Variants in MTRF1 observed in about 807,000 individuals in gnomAD.
MTRF1 encodes the protein mitochondrial translation release factor 1.
Under a neutral mutation model 62.9 loss-of-function variants are expected in MTRF1, and 51 were observed. That is an observed-to-expected ratio of 0.81 (90% CI 0.65 to 1.02). The LOEUF (loss-of-function observed/expected upper bound fraction) is 1.02, where lower values mean the gene tolerates loss of function less well. Among genes scored for constraint, MTRF1 ranks in the 50% least tolerant of loss-of-function variants. The pLI, the probability that MTRF1 is intolerant of heterozygous loss-of-function variation, is 0.00. For synonymous variants in MTRF1, 158 were observed against 181.9 expected, an observed-to-expected ratio of 0.87 and a Z score of 1.06; for missense variants, 446 against 530.0, an observed-to-expected ratio of 0.84 and a Z score of 1.56.
chr13:41,300,623 T>G, the MTRF1 span, among the ~76,000 whole-genome samples: 1 of 151,412 alleles, frequency 6.6e-6, no homozygotes, highest in Non-Finnish European at 1.5e-5. Context: ...AGGGTCTTGC[T>G]GGGCCTGAAC....
chr13:41,257,304 A>C (rs2039859237), intron 2 of MTRF1, among the ~76,000 whole-genome samples: 1 of 152,226 alleles, frequency 6.6e-6, no homozygotes, highest in South Asian at 2.1e-4. Flanking sequence ...TTGTACTTGA[A>C]CTAGAACGCC....
rs1201552680 is a variant in MTRF1 at position 41,226,287 on chromosome 13, T to C, written c.1125+145A>G. On this transcript the variant is annotated intron_variant, in intron 8 of 9. Transcript: ENST00000379480. ...TAGCCATAACCCATCAGTTCATTTG[T>C]ACTGAGTTACTGCTTATTTACAAAG... The C allele has an allele frequency of 1.1e-5, 9 of 810,622 alleles. No individual in the cohort carries two copies. The South Asian group carries it at 1.3e-4, about 12-fold the overall frequency. 50.2% of individuals were successfully genotyped at this position (810,622 alleles called of 1,614,324 possible).
At chr13:41,271,308 A>C in the MTRF1 span, among the ~76,000 whole-genome samples, 4 of 152,206 alleles carry the variant, frequency 2.6e-5, no homozygotes, top group East Asian at 1.9e-4. Context: ...AAATGTGCAC[A>C]AAGACCATAC....
intron 8 of MTRF1, among the ~76,000 whole-genome samples, chr13:41,224,240 C>T (rs2033950029): frequency 6.6e-6 from 1 of 152,128 alleles, no homozygotes. Context: ...TTCTCTTCTT[C>T]CCTGAAATCC....
In MTRF1 at chr13:41,260,638, C is replaced by G; in HGVS notation, c.270G>C (p.Glu90Asp). ...ENLSKEYQTL[E>D]QCLQHIPVNE... The stretch of plus-strand genomic sequence containing the variant: ...TCACAGGGATATGCTGCAGACATTG[C>G]TCAAGTGTTTGGTACTCCTTACTCA... Residue 90 changes from glutamate to aspartate, a missense_variant, in exon 2 of 10, where the codon GAG (glutamate) becomes GAC (aspartate). By Grantham distance (45) the Glu-to-Asp change is conservative. Coordinates refer to ENST00000379480, the MANE Select transcript of MTRF1 (RefSeq NM_004294.4). 1 of 1,614,154 alleles carries G rather than the reference C, an allele frequency of 6.2e-7. No individual in the cohort carries two copies. The highest frequency in any genetic ancestry group is 1.1e-5 in the South Asian group (1 of 91,066).
intron 6 of MTRF1, chr13:41,235,840 G>GAC (rs570103667): frequency 0.14 from 16,255 of 112,876 alleles, 1,191 homozygotes; most frequent in African/African-American, 0.25. Context: ...CACAGACACA[G>GAC]ACACACACAC....
the MTRF1 span, among the ~76,000 whole-genome samples, chr13:41,309,886 C>T: frequency 6.6e-6 from 1 of 152,130 alleles, no homozygotes; most frequent in African/African-American, 2.4e-5. Flanking sequence ...ATCCCTGCTA[C>T]TTGGGAGGCT....
rs1372014475 is a variant in MTRF1 at position 41,224,074 on chromosome 13, T to C, written c.1126-720A>G. Among the ~76,000 whole-genome samples, 16 of 152,320 alleles carry C rather than the reference T, an allele frequency of 1.1e-4. No homozygotes were observed. The South Asian group carries it at 2.9e-3, about 28-fold the overall frequency. Reference sequence around the variant, plus strand: ...TGGCCAATCTTCCCAGTGTTATTTCTGAAAATTACGTTAATCTCCATAATG... The same window carrying C: ...TGGCCAATCTTCCCAGTGTTATTTCCGAAAATTACGTTAATCTCCATAATG... On this transcript the variant is annotated intron_variant, in intron 8 of 9. Transcript: ENST00000379480.
chr13:41,289,453 G>C, the MTRF1 span, among the ~76,000 whole-genome samples: 1 of 152,106 alleles, frequency 6.6e-6, no homozygotes, highest in African/African-American at 2.4e-5. Context: ...GGCCAGGCTG[G>C]TCTCGAACTC....
intron 7 of MTRF1, among the ~76,000 whole-genome samples, chr13:41,232,138 C>T (rs2035691413): frequency 6.6e-6 from 1 of 151,922 alleles, no homozygotes; most frequent in Non-Finnish European, 1.5e-5. Flanking sequence ...AACAGAGACA[C>T]TGCAGAAAGC....
At chr13:41,290,438 G>A in the MTRF1 span, among the ~76,000 whole-genome samples, 16 of 147,168 alleles carry the variant, frequency 1.1e-4, no homozygotes, top group African/African-American at 4.0e-4. Context: ...CTGTCACCCA[G>A]GCTGGAGTGC....
chr13:41,265,675 C>G (rs897096814), upstream of MTRF1, among the ~76,000 whole-genome samples: 10 of 151,018 alleles, frequency 6.6e-5, no homozygotes, highest in Non-Finnish European at 1.3e-4. Context: ...CCTGCCCAAA[C>G]AAAGAAGAGG....
intron 2 of MTRF1, among the ~76,000 whole-genome samples, chr13:41,256,472 G>A (rs182001081): frequency 1.1e-3 from 163 of 151,966 alleles, no homozygotes; most frequent in African/African-American, 3.5e-3. Context: ...GATTACAGGC[G>A]CGCACCACCA....
At chr13:41,303,985 A>G in the MTRF1 span, among the ~76,000 whole-genome samples, 1 of 152,138 alleles carries the variant, frequency 6.6e-6, no homozygotes, top group Non-Finnish European at 1.5e-5. Flanking sequence ...GGAACGCCCT[A>G]CTCTGTCTAT....
chr13:41,270,900 G>T, the MTRF1 span, among the ~76,000 whole-genome samples: 6 of 151,994 alleles, frequency 3.9e-5, no homozygotes, highest in Admixed American at 2.0e-4. Flanking sequence ...ACCATGCCCG[G>T]CTAATTTTTT....
intron 1 of MTRF1, chr13:41,262,421 C>G (rs1261159385): frequency 6.6e-6 from 1 of 151,262 alleles, no homozygotes; most frequent in Non-Finnish European, 1.5e-5. Flanking sequence ...CTTTTGCTTG[C>G]TATTTTTTCT....
the MTRF1 span, among the ~76,000 whole-genome samples, chr13:41,285,503 T>TA: frequency 1.3e-5 from 2 of 152,200 alleles, no homozygotes; most frequent in African/African-American, 2.4e-5. Flanking sequence ...TTACTGAACT[T>TA]GATGGCCCTG....
At chr13:41,261,852 A>C in intron 1 of MTRF1, 1 of 924,418 alleles carries the variant, frequency 1.1e-6, no homozygotes, top group Non-Finnish European at 1.3e-6. Flanking sequence ...TCAAGTATTA[A>C]TAGACCAAGA....
the MTRF1 span, among the ~76,000 whole-genome samples, chr13:41,308,403 C>T: frequency 6.6e-6 from 1 of 152,180 alleles, no homozygotes; most frequent in Non-Finnish European, 1.5e-5. Context: ...TGGCTCTTTT[C>T]GTGAGTAACC....
Sources: allele counts gnomAD v4.1 joint callset (sites outside exome capture counted in the v4.1 genomes callset), GRCh38; gene constraint gnomAD v4.1.1; transcripts MANE v1.5; gene names NCBI Gene and HGNC (gene_info 2026-07-23, HGNC 2026-07-21).